Variants in FRMPD4 observed in about 807,000 individuals in gnomAD.
FRMPD4 encodes the protein FERM and PDZ domain containing 4, also known as FERM and PDZ domain-containing protein 4.
In FRMPD4, 22 loss-of-function variants were observed where a neutral mutation model predicts 94.1. The observed-to-expected ratio is 0.23, with a 90% confidence interval of 0.17 to 0.33. FRMPD4 has a LOEUF of 0.33. Ranked by LOEUF, FRMPD4 falls within the 10% of genes least tolerant of loss-of-function variation. The pLI, the probability that FRMPD4 is intolerant of heterozygous loss-of-function variation, is 1.00. For missense variants in FRMPD4, 1,111 were observed against 1,339.9 expected (o/e 0.83, Z 2.67); for synonymous variants, 631 against 548.6 (o/e 1.15, Z -2.10).
intron 2 of FRMPD4, among the ~76,000 whole-genome samples, chrX:12,580,685 C>G (rs1456769932): frequency 3.6e-5 from 4 of 111,531 alleles, no homozygotes; most frequent in Non-Finnish European, 7.5e-5. Context: ...TAGCTTTAGG[C>G]TACTATTGAT....
chrX:12,280,873 G>A (rs972606872), intron 1 of FRMPD4, among the ~76,000 whole-genome samples: 1 of 111,388 alleles, frequency 9.0e-6, no homozygotes, highest in Non-Finnish European at 1.9e-5. Context: ...ATTCTTGTTG[G>A]CCCACTGTAT....
chrX:12,073,788 T>C (rs2054989501), intron 3 of FRMPD4, among the ~76,000 whole-genome samples: 1 of 112,528 alleles, frequency 8.9e-6, no homozygotes, highest in African/African-American at 3.2e-5. Flanking sequence ...CAGGCTAGCT[T>C]TGAACTCCTG....
intron 1 of FRMPD4, among the ~76,000 whole-genome samples, chrX:12,282,114 G>A (rs1047014102): frequency 8.9e-6 from 1 of 112,373 alleles, no homozygotes; most frequent in African/African-American, 3.2e-5. Context: ...TCTGAGTCTT[G>A]TAAACCAATC....
rs775385472 is a variant in FRMPD4 at position 12,291,697 on chromosome X, G to A, written c.41+152685G>A. On this transcript the variant is annotated intron_variant, in intron 1 of 16. Transcript: ENST00000675598. The stretch of plus-strand genomic sequence containing the variant: ...TCCTCACTAGGGATCACATTGCAAA[G>A]CCTCTCCCCTCTCCCTCAGTCTCCG... Among the ~76,000 whole-genome samples the A allele has an allele frequency of 2.7e-5, 3 of 111,566 alleles. No individual in the cohort carries two copies. In the East Asian group the frequency reaches 8.5e-4, roughly 32 times the overall value.
chrX:12,530,599 A>G (rs1394826867), intron 2 of FRMPD4, among the ~76,000 whole-genome samples: 1 of 111,037 alleles, frequency 9.0e-6, no homozygotes, highest in Admixed American at 9.7e-5. Flanking sequence ...ATGGAGATGA[A>G]AATTTCAAAA....
intron 1 of FRMPD4, among the ~76,000 whole-genome samples, chrX:12,228,407 CTAATAAA>C (rs1720881747): frequency 8.9e-6 from 1 of 112,292 alleles, no homozygotes; most frequent in Non-Finnish European, 1.9e-5. Context: ...AATTCAAGTG[CTAATAAA>C]TAATAAAGGA....
intron 1 of FRMPD4, among the ~76,000 whole-genome samples, chrX:12,398,910 G>T (rs897448886): frequency 8.1e-5 from 9 of 111,331 alleles, no homozygotes; most frequent in African/African-American, 2.6e-4. Flanking sequence ...TCTCTGTGAC[G>T]GCTAGTTTAG....
At chrX:12,678,773 C>A (rs1002608755) in intron 5 of FRMPD4, among the ~76,000 whole-genome samples, 2 of 112,033 alleles carry the variant, frequency 1.8e-5, no homozygotes, top group Non-Finnish European at 3.8e-5. Flanking sequence ...TGCAGTGAGC[C>A]AAGATTGCAC....
chrX:12,226,075 T>A (rs2056919003), intron 1 of FRMPD4, among the ~76,000 whole-genome samples: 1 of 111,876 alleles, frequency 8.9e-6, no homozygotes, highest in Non-Finnish European at 1.9e-5. Flanking sequence ...TAGTGTTTTC[T>A]TTGTTTCTGT....
chrX:12,336,087 T>C (rs1394549599), intron 1 of FRMPD4, among the ~76,000 whole-genome samples: 2 of 93,680 alleles, frequency 2.1e-5, no homozygotes, highest in Non-Finnish European at 4.0e-5. Flanking sequence ...ATTTCCAAGA[T>C]TTTTTTTTTT....
intron 1 of FRMPD4, among the ~76,000 whole-genome samples, chrX:12,203,298 T>C (rs758072077): frequency 2.7e-5 from 3 of 112,132 alleles, no homozygotes; most frequent in Non-Finnish European, 5.6e-5. Flanking sequence ...AAGGATACTT[T>C]TGTTGGTATC....
intron 1 of FRMPD4, among the ~76,000 whole-genome samples, chrX:12,162,626 T>C (rs747939585): frequency 8.9e-6 from 1 of 111,775 alleles, no homozygotes; most frequent in Non-Finnish European, 1.9e-5. Flanking sequence ...GGAGTGTTAG[T>C]TTATGTAGCG....
intron 1 of FRMPD4, among the ~76,000 whole-genome samples, chrX:12,372,635 C>T (rs1377785790): frequency 2.7e-5 from 3 of 112,652 alleles, no homozygotes; most frequent in African/African-American, 9.7e-5. Flanking sequence ...GTGCTGAGAC[C>T]AGGCGTGCTG....
chrX:12,482,780 G>C (rs1272876301), intron 1 of FRMPD4, among the ~76,000 whole-genome samples: 1 of 111,939 alleles, frequency 8.9e-6, no homozygotes, highest in African/African-American at 3.3e-5. Flanking sequence ...AAAATATTGA[G>C]ACTTTTTATA....
At chrX:12,682,831 G>A (rs748066480) in intron 5 of FRMPD4, among the ~76,000 whole-genome samples, 1 of 112,024 alleles carries the variant, frequency 8.9e-6, no homozygotes, top group South Asian at 3.8e-4. Context: ...CCCATAAGAT[G>A]AGGAAGAATA....
At chrX:12,413,103 C>T (rs766113158) in intron 1 of FRMPD4, among the ~76,000 whole-genome samples, 1 of 111,465 alleles carries the variant, frequency 9.0e-6, no homozygotes, top group South Asian at 3.9e-4. Flanking sequence ...CTTCCAGCAG[C>T]CAGTCTCTGC....
Position 12,561,020 on chromosome X carries a change from C to T in FRMPD4, c.159-48701C>T, listed in dbSNP as rs2058654540. Among the ~76,000 whole-genome samples the T allele has an allele frequency of 2.8e-5, 3 of 108,644 alleles. No individual in the cohort carries two copies. The South Asian group carries it at 1.2e-3, about 44-fold the overall frequency. 94.3% of individuals were successfully genotyped at this position (108,644 alleles called of 115,157 possible). ...TCCTGACCTCGTGATCCGCCCGCCT[C>T]GGCCTCCCAAAGTGCTGGGATTACA... On this transcript the variant is annotated intron_variant, in intron 2 of 16. Coordinates refer to ENST00000675598, the MANE Select transcript of FRMPD4 (RefSeq NM_001368397.1).
chrX:12,214,307 G>A (rs773181476), intron 1 of FRMPD4, among the ~76,000 whole-genome samples: 4 of 111,510 alleles, frequency 3.6e-5, no homozygotes, highest in African/African-American at 9.8e-5. Context: ...CGTTGAATAA[G>A]CATAATATTC....
rs138713729 is a variant in FRMPD4 at position 12,095,656 on chromosome X, T to A, written c.95+217638T>A. On this transcript the variant is annotated intron_variant, in intron 3 of 18. Coordinates refer to the FRMPD4 transcript ENST00000640291. ...TCATCAGTTTGGATACTTTTTGCAT[T>A]GGTGAGCTCACTACTTTATTAAGCC... is the stretch of plus-strand genomic sequence containing the variant. Among the ~76,000 whole-genome samples, 76 of 111,551 alleles carry A rather than the reference T, an allele frequency of 6.8e-4. No homozygotes were observed. In the East Asian group the frequency reaches 0.019, roughly 28 times the overall value.
Sources: allele counts gnomAD v4.1 joint callset (sites outside exome capture counted in the v4.1 genomes callset), GRCh38; gene constraint gnomAD v4.1.1; transcripts MANE v1.5; gene names NCBI Gene and HGNC (gene_info 2026-07-23, HGNC 2026-07-21).